The following ZNF487 variants were observed in gnomAD, a reference collection of about 807,000 sequenced individuals.
ZNF487 encodes KRAB domain only 1.
Under a neutral mutation model 3.0 loss-of-function variants are expected in ZNF487, and 4 were observed. The ratio of observed to expected loss-of-function variants is 1.35; its 90% confidence interval spans 0.66 to 3.08. The LOEUF (loss-of-function observed/expected upper bound fraction) is 3.08, where lower values mean the gene tolerates loss of function less well. ZNF487 is among the 30% of genes most tolerant of loss of function. The probability of loss-of-function intolerance (pLI) is 0.01; values close to 1 mark genes in which losing one functional copy is unlikely to be tolerated. For missense variants in ZNF487, 146 were observed against 98.7 expected (o/e 1.48, Z -2.03); for synonymous variants, 55 against 34.6 (o/e 1.59, Z -2.06).
intron 1 of ZNF487, among the ~76,000 whole-genome samples, chr10:43,467,922 G>A (rs191103475): frequency 6.6e-6 from 1 of 152,132 alleles, no homozygotes; most frequent in Non-Finnish European, 1.5e-5. Context: ...TTCTGGAATG[G>A]ATTCACTGCT....
chr10:43,506,098 C>T, the ZNF487 span, among the ~76,000 whole-genome samples: 5 of 152,248 alleles, frequency 3.3e-5, no homozygotes, highest in South Asian at 4.1e-4. Context: ...TTCACTTTGC[C>T]GTGAAGGATT....
downstream of ZNF487, among the ~76,000 whole-genome samples, chr10:43,484,373 A>G (rs572511959): frequency 6.1e-3 from 931 of 151,878 alleles, 9 homozygotes; most frequent in African/African-American, 0.018. Context: ...CTGGGAGGCC[A>G]AGGCAGGTGG....
chr10:43,480,829 T>C (rs1380761209), intron 3 of ZNF487, among the ~76,000 whole-genome samples: 1 of 152,134 alleles, frequency 6.6e-6, no homozygotes, highest in Non-Finnish European at 1.5e-5. Context: ...AGGAAGACTC[T>C]TCACAATTAT....
chr10:43,499,993 C>T, the ZNF487 span, among the ~76,000 whole-genome samples: 1 of 152,256 alleles, frequency 6.6e-6, no homozygotes, highest in African/African-American at 2.4e-5. Flanking sequence ...AAGTGATTCT[C>T]CTGCCTCAGC....
intron 1 of ZNF487, among the ~76,000 whole-genome samples, chr10:43,471,850 C>T (rs532801643): frequency 1.3e-5 from 2 of 152,208 alleles, no homozygotes; most frequent in South Asian, 2.1e-4. Context: ...AGTGAAGACA[C>T]CACTCAATGG....
chr10:43,491,859 A>G, the ZNF487 span, among the ~76,000 whole-genome samples: 1 of 151,866 alleles, frequency 6.6e-6, no homozygotes, highest in African/African-American at 2.4e-5. Context: ...AATAAAATCA[A>G]GGATATATGT....
chr10:43,498,095 ATATATTTTTTTTTTTTTTCTTTTTTTTTT>A, the ZNF487 span, among the ~76,000 whole-genome samples: 1,178 of 12,432 alleles, frequency 0.095, 43 homozygotes, highest in East Asian at 0.2. Context: ...ATATATATAT[ATATATTTTTTTTTTTTTTCTTTTTTTTTT>A]TTTTTTTTTT....
chr10:43,505,669 G>A, the ZNF487 span, among the ~76,000 whole-genome samples: 1 of 151,772 alleles, frequency 6.6e-6, no homozygotes, highest in Non-Finnish European at 1.5e-5. Flanking sequence ...TTGAGATGGA[G>A]TTTTACTCTT....
At chr10:43,472,507 G>C (rs1840939763) in intron 1 of ZNF487, among the ~76,000 whole-genome samples, 1 of 152,102 alleles carries the variant, frequency 6.6e-6, no homozygotes, top group South Asian at 2.1e-4. Context: ...CCGTTGCAGA[G>C]CAGTCTTGCT....
chr10:43,447,768 G>A (rs560963192), intron 1 of ZNF487, among the ~76,000 whole-genome samples: 55 of 152,226 alleles, frequency 3.6e-4, no homozygotes, highest in Non-Finnish European at 6.9e-4. Context: ...CTGGTGCTGT[G>A]TTCTGTGAAT....
intron 1 of ZNF487, among the ~76,000 whole-genome samples, chr10:43,446,145 G>A (rs1421597158): frequency 6.6e-6 from 1 of 152,132 alleles, no homozygotes; most frequent in Non-Finnish European, 1.5e-5. Context: ...TTTTCTATTC[G>A]ACAAAACCGC....
At chr10:43,444,065 G>C (rs548173713) in intron 1 of ZNF487, among the ~76,000 whole-genome samples, 2 of 151,784 alleles carry the variant, frequency 1.3e-5, no homozygotes, top group African/African-American at 4.8e-5. Flanking sequence ...ATGTTAGCCA[G>C]GATGGTCTCC....
the ZNF487 span, among the ~76,000 whole-genome samples, chr10:43,516,043 G>A: frequency 6.6e-6 from 1 of 152,246 alleles, no homozygotes; most frequent in African/African-American, 2.4e-5. Context: ...GCCTCTCAAA[G>A]TGCTGGGATT....
chr10:43,515,134 T>C, the ZNF487 span, among the ~76,000 whole-genome samples: 202 of 152,338 alleles, frequency 1.3e-3, 5 homozygotes, highest in East Asian at 0.037. Context: ...TTGTGTTCTT[T>C]CCACCATTAT....
the ZNF487 span, among the ~76,000 whole-genome samples, chr10:43,495,184 T>C: frequency 6.6e-6 from 1 of 150,692 alleles, no homozygotes; most frequent in East Asian, 1.9e-4. Flanking sequence ...ACCTGCCCTG[T>C]GTTTTCAGTG....
At chr10:43,446,474 A>T (rs1183264555) in intron 1 of ZNF487, among the ~76,000 whole-genome samples, 1 of 149,514 alleles carries the variant, frequency 6.7e-6, no homozygotes, top group East Asian at 2.0e-4. Flanking sequence ...CTCACCTCCC[A>T]GATGGGGTGG....
intron 1 of ZNF487, among the ~76,000 whole-genome samples, chr10:43,470,323 C>T (rs1464453580): frequency 6.6e-6 from 1 of 151,934 alleles, no homozygotes; most frequent in Non-Finnish European, 1.5e-5. Flanking sequence ...CGGTGATACT[C>T]CCACCTTAGC....
chr10:43,441,617 T>TTA lies in ZNF487; in HGVS notation c.-94+4355_-94+4356insTA, dbSNP rs79589117. Among the ~76,000 whole-genome samples the TTA allele has an allele frequency of 2.8e-3, 423 of 151,668 alleles. 3 individuals carry two copies. The highest frequency in any genetic ancestry group is 3.8e-3 in the Non-Finnish European group (258 of 67,930). On this transcript the variant is annotated intron_variant, in intron 1 of 3. Coordinates refer to ENST00000437590, the MANE Select transcript of ZNF487 (RefSeq NM_001355444.3). The stretch of plus-strand genomic sequence containing the variant: ...CATGTTGCCCCAGCTAGTCAGGGTC[T>TTA]CTCTGTCACCCAGGCGGGAGTTGCA...
intron 1 of ZNF487, chr10:43,452,305 T>TGCAGGCCCCA (rs1554796337): frequency 8.1e-4 from 123 of 152,300 alleles, no homozygotes; most frequent in African/African-American, 2.9e-3. Context: ...GTTCAAGCCA[T>TGCAGGCCCCA]GCAGGCCCCA....
Sources: allele counts gnomAD v4.1 joint callset (sites outside exome capture counted in the v4.1 genomes callset), GRCh38; gene constraint gnomAD v4.1.1; transcripts MANE v1.5; gene names NCBI Gene and HGNC (gene_info 2026-07-23, HGNC 2026-07-21).